POU2F1: variants seen among roughly 807,000 people sequenced by gnomAD.
The protein encoded by POU2F1 is POU domain, class 2, transcription factor 1.
A neutral mutation model predicts 84.9 loss-of-function variants in POU2F1; 16 were observed. The ratio of observed to expected loss-of-function variants is 0.19; its 90% confidence interval spans 0.13 to 0.29. The LOEUF is 0.29. Ranked by LOEUF, POU2F1 falls within the 10% of genes least tolerant of loss-of-function variation. The probability of loss-of-function intolerance (pLI) is 1.00; values close to 1 mark genes in which losing one functional copy is unlikely to be tolerated. For synonymous variants in POU2F1, 368 were observed against 368.3 expected (o/e 1.00, Z 0.01); for missense variants, 738 against 942.6 (o/e 0.78, Z 2.84).
intron 1 of POU2F1, among the ~76,000 whole-genome samples, chr1:167,306,657 A>G (rs534602563): frequency 6.6e-6 from 1 of 152,274 alleles, no homozygotes; most frequent in South Asian, 2.1e-4. Flanking sequence ...TCTGGAGGCT[A>G]GAAGTCCAGA....
rs1650655050 is a variant in POU2F1 at position 167,421,613 on chromosome 1, T to C, written c.*5803T>C. 1 of 152,224 alleles carries C rather than the reference T, an allele frequency of 6.6e-6. No individual in the cohort carries two copies. Among genetic ancestry groups the C allele is most frequent in the African/African-American group, 2.4e-5 (1 of 41,466 alleles). The allele number at this position is 152,224 out of a possible 1,614,324, so 9.4% of individuals were successfully genotyped here. ...AAATGTGAGTGAATTTTATGTTGAT[T>C]ATGTCACCTGGATCTCCTTTCCTTC... is the stretch of plus-strand genomic sequence containing the variant. On this transcript the variant is annotated 3_prime_UTR_variant, in exon 16 of 16. Transcript: ENST00000367866.
At chr1:167,408,100 T>C (rs545587236) in intron 13 of POU2F1, among the ~76,000 whole-genome samples, 16 of 152,296 alleles carry the variant, frequency 1.1e-4, no homozygotes, top group African/African-American at 2.6e-4. Context: ...AAGGAAGATA[T>C]AGGAGTGACT....
At chr1:167,370,277 G>C (rs1659927121) in intron 4 of POU2F1, 63 bp downstream of exon 4, 2 of 1,368,388 alleles carry the variant, frequency 1.5e-6, no homozygotes, top group East Asian at 2.4e-5. Context: ...TTTTTCTGTA[G>C]TGAGCATATA....
rs1650862465 is a variant in POU2F1 at position 167,424,956 on chromosome 1, C to T, written c.*9146C>T. The T allele has an allele frequency of 6.6e-6, 1 of 152,172 alleles. No homozygotes were observed. Among genetic ancestry groups the T allele is most frequent in the African/African-American group, 2.4e-5 (1 of 41,426 alleles). 9.4% of individuals were successfully genotyped at this position (152,172 alleles called of 1,614,324 possible). ...TCAGGACTTTGGGTAGAAGGGAAGA[C>T]ACCAAAGGCTCCTTTAAGCTGACTG... On this transcript the variant is annotated 3_prime_UTR_variant, in exon 16 of 16. Transcript: ENST00000367866.
chr1:167,395,864 C>G (rs373812641), intron 9 of POU2F1, among the ~76,000 whole-genome samples: 84 of 152,276 alleles, frequency 5.5e-4, no homozygotes, highest in African/African-American at 2.0e-3. Flanking sequence ...CCTAGGCTTC[C>G]CAAAATGCTG....
intron 1 of POU2F1, among the ~76,000 whole-genome samples, chr1:167,239,242 C>T (rs1369551040): frequency 6.6e-6 from 1 of 152,086 alleles, no homozygotes; most frequent in Non-Finnish European, 1.5e-5. Flanking sequence ...AAAAAGAACA[C>T]TAGATTAAAT....
chr1:167,378,584 T>G (rs1034283094), intron 7 of POU2F1, among the ~76,000 whole-genome samples: 1 of 151,852 alleles, frequency 6.6e-6, no homozygotes, highest in Non-Finnish European at 1.5e-5. Flanking sequence ...TTTTTGGTTT[T>G]TAGTAGAGAT....
chr1:167,222,811 C>T (rs1277577374), intron 1 of POU2F1, among the ~76,000 whole-genome samples: 1 of 152,106 alleles, frequency 6.6e-6, no homozygotes, highest in Non-Finnish European at 1.5e-5. Flanking sequence ...AAAAATCTGT[C>T]CTGTATTTTA....
chr1:167,277,298 G>A (rs965391794), intron 1 of POU2F1, among the ~76,000 whole-genome samples: 27 of 151,706 alleles, frequency 1.8e-4, no homozygotes, highest in Admixed American at 1.5e-3. Flanking sequence ...GTGCAGTGGC[G>A]CAATCATAGC....
chr1:167,382,332 T>C (rs1251001664), intron 7 of POU2F1, among the ~76,000 whole-genome samples: 1 of 151,794 alleles, frequency 6.6e-6, no homozygotes, highest in Non-Finnish European at 1.5e-5. Flanking sequence ...GAGGGAGAGG[T>C]TACCACACCT....
intron 1 of POU2F1, among the ~76,000 whole-genome samples, chr1:167,315,854 A>G (rs573048583): frequency 3.3e-5 from 5 of 152,204 alleles, no homozygotes; most frequent in Admixed American, 3.3e-4. Context: ...ACTGTGGTAC[A>G]TCCATACCAT....
At chr1:167,387,610 A>G (rs557775588) in intron 8 of POU2F1, among the ~76,000 whole-genome samples, 6 of 152,242 alleles carry the variant, frequency 3.9e-5, no homozygotes, top group South Asian at 2.1e-4. Flanking sequence ...TCAGGCTTAT[A>G]TAACTCATCT....
At chr1:167,357,376 C>A (rs1659024776) in intron 2 of POU2F1, 4 of 5,630 alleles carry the variant, frequency 7.1e-4, no homozygotes, top group East Asian at 0.011. Context: ...CCACCCCCCC[C>A]CCACCCCCCC....
intron 1 of POU2F1, among the ~76,000 whole-genome samples, chr1:167,311,812 T>TTTATTTA (rs1553206363): frequency 0.02 from 1,415 of 70,542 alleles, 9 homozygotes; most frequent in South Asian, 0.041. Flanking sequence ...TTATTTATTT[T>TTTATTTA]TTCTTTTGGA....
chr1:167,303,199 T>C (rs1654839371), intron 1 of POU2F1, among the ~76,000 whole-genome samples: 1 of 152,220 alleles, frequency 6.6e-6, no homozygotes, highest in Admixed American at 6.5e-5. Flanking sequence ...GTAGGCTGTT[T>C]TATCCAGCTT....
At chr1:167,408,213 A>G (rs930297353) in intron 13 of POU2F1, among the ~76,000 whole-genome samples, 1 of 152,214 alleles carries the variant, frequency 6.6e-6, no homozygotes, top group African/African-American at 2.4e-5. Context: ...AATGGCTATA[A>G]TCAAAAAGAC....
At chr1:167,310,123 G>A (rs34586864) in intron 1 of POU2F1, among the ~76,000 whole-genome samples, 21,884 of 151,966 alleles carry the variant, frequency 0.14, 3,277 homozygotes, top group African/African-American at 0.39. Context: ...GATTAACTTT[G>A]GAAGTTGTTA....
intron 2 of POU2F1, among the ~76,000 whole-genome samples, chr1:167,359,229 T>C (rs888955000): frequency 1.3e-5 from 2 of 151,584 alleles, no homozygotes; most frequent in Non-Finnish European, 2.9e-5. Flanking sequence ...ATGTAGGGGG[T>C]AAATGCACAG....
intron 15 of POU2F1, among the ~76,000 whole-genome samples, chr1:167,414,085 A>G (rs1650149858): frequency 6.6e-6 from 1 of 152,206 alleles, no homozygotes; most frequent in Non-Finnish European, 1.5e-5. Context: ...TTAATATTTC[A>G]CAGGTAATAT....
Sources: allele counts gnomAD v4.1 joint callset (sites outside exome capture counted in the v4.1 genomes callset), GRCh38; gene constraint gnomAD v4.1.1; transcripts MANE v1.5; gene names NCBI Gene and HGNC (gene_info 2026-07-23, HGNC 2026-07-21).